ABLIM2: variants seen among roughly 807,000 people sequenced by gnomAD.
The protein encoded by ABLIM2 is actin-binding LIM protein 2.
A neutral mutation model predicts 97.7 loss-of-function variants in ABLIM2; 53 were observed. The ratio of observed to expected loss-of-function variants is 0.54; its 90% confidence interval spans 0.44 to 0.68. ABLIM2 has a LOEUF of 0.68. Ranked by LOEUF, ABLIM2 falls within the 30% of genes least tolerant of loss-of-function variation. ABLIM2 has a pLI of 0.00. For synonymous variants in ABLIM2, 361 were observed against 345.8 expected, an observed-to-expected ratio of 1.04 and a Z score of -0.49; for missense variants, 835 against 867.2, an observed-to-expected ratio of 0.96 and a Z score of 0.47.
At position 8,130,264 on chromosome 4, in the gene ABLIM2, C is replaced by G. The variant is rs1049416005; in HGVS notation, c.11-23627G>C. ...TGGTGCTGGATGGCTGAGGCCCGGC[C>G]GCATCTGTCACCAGTTCCGGGATGG... On this transcript the variant is annotated intron_variant, in intron 1 of 20. Transcript: ENST00000447017. This position sits in a 1 kb window ranked among gnomAD's most constrained non-coding sequence, Gnocchi z 4.2. Among the ~76,000 whole-genome samples the G allele has an allele frequency of 6.6e-6, 1 of 152,196 alleles. No individual in the cohort carries two copies.
Position 7,992,309 on chromosome 4 carries a change from G to A in ABLIM2, c.1680+557C>T, listed in dbSNP as rs186312260. Among the ~76,000 whole-genome samples the A allele has an allele frequency of 6.6e-6, 1 of 152,300 alleles. No homozygotes were observed. Among genetic ancestry groups the A allele is most frequent in the East Asian group, 1.9e-4 (1 of 5,184 alleles). On this transcript the variant is annotated intron_variant, in intron 17 of 20. Coordinates refer to ENST00000447017, the MANE Select transcript of ABLIM2 (RefSeq NM_001130083.2). The surrounding 1 kb of genome is among the most constrained non-coding windows in gnomAD (Gnocchi z 5.7). Reference sequence around the variant, plus strand: ...AGCATCAGAAAACTCAGGGTAGGAGGTGGCACCAGTCTTCAGCTAGGGGCA... The same window carrying A: ...AGCATCAGAAAACTCAGGGTAGGAGATGGCACCAGTCTTCAGCTAGGGGCA...
At chr4:8,006,758 G>T (rs1018997122) in intron 16 of ABLIM2, among the ~76,000 whole-genome samples, 1 of 152,216 alleles carries the variant, frequency 6.6e-6, no homozygotes, top group African/African-American at 2.4e-5. Flanking sequence ...GGCACAGGCA[G>T]GCGCGCGTGG....
chr4:8,091,337 T>TA (rs1561325101), intron 3 of ABLIM2, among the ~76,000 whole-genome samples: 1 of 26,912 alleles, frequency 3.7e-5, no homozygotes, highest in South Asian at 6.6e-4. Flanking sequence ...ATATTATATA[T>TA]ATAATATATA....
At chr4:8,011,315 G>T (rs1354188853) in intron 14 of ABLIM2, among the ~76,000 whole-genome samples, 2 of 152,244 alleles carry the variant, frequency 1.3e-5, no homozygotes, top group Admixed American at 6.5e-5. Context: ...TCCTCCAGAT[G>T]TGCACAGTTT....
At chr4:8,094,394 T>C (rs1054593354) in intron 3 of ABLIM2, among the ~76,000 whole-genome samples, 2 of 152,138 alleles carry the variant, frequency 1.3e-5, no homozygotes, top group Admixed American at 6.6e-5. Flanking sequence ...AAGACTCACG[T>C]CTCCAACAAC....
In ABLIM2 at chr4:8,010,324, A is replaced by G. The variant is rs965333988; in HGVS notation, c.1424-1222T>C. 5 of 971,476 alleles carry G rather than the reference A, an allele frequency of 5.1e-6. No homozygotes were observed. In the African/African-American group the frequency reaches 7.0e-5, roughly 14 times the overall value. The allele number at this position is 971,476 out of a possible 1,614,324, so 60.2% of individuals were successfully genotyped here. On this transcript the variant is annotated intron_variant, in intron 14 of 20. Coordinates refer to ENST00000447017, the MANE Select transcript of ABLIM2 (RefSeq NM_001130083.2). ...CCACACCTTGTGTATCCCTTACAGAAACACTGACCCCATGCACTGAACAAT... is the reference window on the plus strand; with the variant it reads ...CCACACCTTGTGTATCCCTTACAGAGACACTGACCCCATGCACTGAACAAT...
rs1181862550 is a variant in ABLIM2, at chr4:8,022,525, AACACCAGCCCG to A, written c.1268-2233_1268-2223del. 2.0e-5 allele frequency: 3 copies of A among 152,422 alleles called. No homozygotes were observed. The highest frequency in any genetic ancestry group is 7.2e-5 in the African/African-American group (3 of 41,452). 9.4% of individuals were successfully genotyped at this position (152,422 alleles called of 1,614,324 possible). On this transcript the variant is annotated intron_variant, in intron 12 of 20. Transcript: ENST00000447017. This position sits in a 1 kb window ranked among gnomAD's most constrained non-coding sequence, Gnocchi z 7.8. ...TCATTCTGGCCCCCCAGGGCCCTCT[AACACCAGCCCG>A]AGTCCTGCCACCTCGGTCCCTCCCT...
In ABLIM2 at chr4:8,061,769, C is replaced by T. The variant is rs911577135; in HGVS notation, c.676-715G>A. 2.6e-5 allele frequency among the ~76,000 whole-genome samples: 4 copies of T among 152,076 alleles called. No homozygotes were observed. Among genetic ancestry groups the T allele is most frequent in the Non-Finnish European group, 5.9e-5 (4 of 68,026 alleles). ...TTGCTAAATGTGGATGCTAAATCCC[C>T]GTGGCTCATTCTTTCCTAAAACGGG... On this transcript the variant is annotated intron_variant, in intron 6 of 20. Coordinates refer to ENST00000447017, the MANE Select transcript of ABLIM2 (RefSeq NM_001130083.2). The surrounding 1 kb of genome is among the most constrained non-coding windows in gnomAD (Gnocchi z 4.5).
Position 8,033,481 on chromosome 4 carries a change from G to A in ABLIM2, c.1047+2668C>T, listed in dbSNP as rs568743759. Among the ~76,000 whole-genome samples, 18 of 152,342 alleles carry A rather than the reference G, an allele frequency of 1.2e-4. No individual in the cohort carries two copies. The South Asian group carries it at 3.5e-3, about 30-fold the overall frequency. On this transcript the variant is annotated intron_variant, in intron 10 of 20. Coordinates refer to ENST00000447017, the MANE Select transcript of ABLIM2 (RefSeq NM_001130083.2). This position sits in a 1 kb window ranked among gnomAD's most constrained non-coding sequence, Gnocchi z 4.5. ...AACCCTCAGGCTGCTCCCGGCCATCGGCATAGAGGAAGCTCTGTATGGACA... is the reference window on the plus strand; with the variant it reads ...AACCCTCAGGCTGCTCCCGGCCATCAGCATAGAGGAAGCTCTGTATGGACA...
In ABLIM2 at chr4:8,147,566, GAC is replaced by G. The variant is rs1319561474; in HGVS notation, c.10+11112_10+11113del. Among the ~76,000 whole-genome samples the G allele has an allele frequency of 6.6e-6, 1 of 152,144 alleles. No homozygotes were observed. The highest frequency in any genetic ancestry group is 1.5e-5 in the Non-Finnish European group (1 of 68,022). ...TTATGGGGAGGAGGGAGCGGGAGACGACACACACAGGGGAGAAGTAGCATGAA... is the reference window on the plus strand; with the variant it reads ...TTATGGGGAGGAGGGAGCGGGAGACGACACACAGGGGAGAAGTAGCATGAA... On this transcript the variant is annotated intron_variant, in intron 1 of 20. Coordinates refer to ENST00000447017, the MANE Select transcript of ABLIM2 (RefSeq NM_001130083.2). The surrounding 1 kb of genome is among the most constrained non-coding windows in gnomAD (Gnocchi z 5.3).
intron 6 of ABLIM2, among the ~76,000 whole-genome samples, chr4:8,064,095 G>C (rs1805319881): frequency 6.6e-6 from 1 of 152,226 alleles, no homozygotes; most frequent in South Asian, 2.1e-4. Context: ...CTGCGTTAGA[G>C]ATAATAAAAA....
chr4:8,153,087 C>T (rs989637796), intron 1 of ABLIM2, among the ~76,000 whole-genome samples: 29 of 152,168 alleles, frequency 1.9e-4, no homozygotes, highest in Non-Finnish European at 7.3e-5. Flanking sequence ...CCTGATCTGG[C>T]TTCAAGGATA....
In ABLIM2 at chr4:8,029,815, G is replaced by A. The variant is rs774815223; in HGVS notation, c.1048-39C>T. ...TGCAGCTTGTGAACACTGGAGCCGG[G>A]AGCACTTCCCACCCCTTGTCCACCC... On this transcript the variant is annotated intron_variant, in intron 10 of 20. Transcript: ENST00000447017. The A allele has an allele frequency of 1.5e-5, 24 of 1,550,742 alleles. 1 individual carries two copies. In the Admixed American group the frequency reaches 4.4e-4, roughly 29 times the overall value.
intron 1 of ABLIM2, among the ~76,000 whole-genome samples, chr4:8,134,116 G>A (rs1475965926): frequency 3.3e-5 from 5 of 152,234 alleles, no homozygotes; most frequent in Non-Finnish European, 7.3e-5. Flanking sequence ...GGACACAGCT[G>A]AAGAGGGGAT....
chr4:8,006,975 G>A (rs913372069), intron 16 of ABLIM2: 1 of 968,920 alleles, frequency 1.0e-6, no homozygotes, highest in Non-Finnish European at 1.2e-6. Flanking sequence ...GCAGAGGCCT[G>A]AGGGGTGCAC....
Position 8,097,074 on chromosome 4 carries a change from A to G in ABLIM2, c.338+25T>C, listed in dbSNP as rs780554575. On this transcript the variant is annotated intron_variant, in intron 3 of 20. Coordinates refer to ENST00000447017, the MANE Select transcript of ABLIM2 (RefSeq NM_001130083.2). ...AAAGGCCCAGAGAGGCAGGGGAAGCAGAGGCCAGGTGCCCACTTACTCACC... is the reference window on the plus strand; with the variant it reads ...AAAGGCCCAGAGAGGCAGGGGAAGCGGAGGCCAGGTGCCCACTTACTCACC... 3.8e-6 allele frequency: 6 copies of G among 1,585,642 alleles called. No individual in the cohort carries two copies. In the African/African-American group the frequency reaches 4.0e-5, roughly 11 times the overall value.
chr4:8,075,468 G>T lies in ABLIM2; in HGVS notation c.675+2160C>A, dbSNP rs1815410310. Among the ~76,000 whole-genome samples the T allele has an allele frequency of 6.6e-6, 1 of 152,160 alleles. No homozygotes were observed. Among genetic ancestry groups the T allele is most frequent in the Admixed American group, 6.5e-5 (1 of 15,280 alleles). On this transcript the variant is annotated intron_variant, in intron 6 of 20. Coordinates refer to ENST00000447017, the MANE Select transcript of ABLIM2 (RefSeq NM_001130083.2). The surrounding 1 kb of genome is among the most constrained non-coding windows in gnomAD (Gnocchi z 4.4). ...AGCACTTTGGGCGGTGAAGGCAGGT[G>T]AATTGCTTAAGTTCAGGAGCTCGAG...
chr4:8,109,374 A>T (rs2152775944), intron 1 of ABLIM2, among the ~76,000 whole-genome samples: 1 of 152,344 alleles, frequency 6.6e-6, no homozygotes, highest in South Asian at 2.1e-4. Flanking sequence ...TCACGCACAG[A>T]CGTACTCACT....
chr4:7,984,781 G>A, intron 18 of ABLIM2, 58 bp downstream of exon 18: 1 of 1,505,554 alleles, frequency 6.6e-7, no homozygotes, highest in Non-Finnish European at 9.0e-7. Context: ...AAGTCTTGTG[G>A]AATGTGTTAG....
Sources: allele counts gnomAD v4.1 joint callset (sites outside exome capture counted in the v4.1 genomes callset), GRCh38; gene constraint gnomAD v4.1.1; non-coding constraint Gnocchi (gnomAD v3.1); transcripts MANE v1.5; gene names NCBI Gene and HGNC (gene_info 2026-07-23, HGNC 2026-07-21).